PAFAH1B1: variants seen among roughly 807,000 people sequenced by gnomAD.
The protein encoded by PAFAH1B1 is platelet activating factor acetylhydrolase 1b regulatory subunit 1, also known as platelet-activating factor acetylhydrolase IB subunit beta.
In PAFAH1B1, 2 loss-of-function variants were observed where a neutral mutation model predicts 57.5. That is an observed-to-expected ratio of 0.03 (90% CI 0.01 to 0.11). The LOEUF is 0.11. Ranked by LOEUF, PAFAH1B1 falls within the 10% of genes least tolerant of loss-of-function variation. The pLI is 1.00. For synonymous variants in PAFAH1B1, 152 were observed against 169.6 expected (o/e 0.90, Z 0.81); for missense variants, 257 against 512.0 (o/e 0.50, Z 4.81).
chr17:2,677,160 A>G (rs2069283236), intron 9 of PAFAH1B1, among the ~76,000 whole-genome samples: 1 of 152,172 alleles, frequency 6.6e-6, no homozygotes. Flanking sequence ...CTCAAAAAAA[A>G]TAAAATAAAA....
chr17:2,659,382 C>G lies in PAFAH1B1; in HGVS notation c.33-5990C>G, dbSNP rs530858003. 1,456 of 252,048 alleles carry G rather than the reference C, an allele frequency of 5.8e-3. 43 individuals are homozygous for G. The highest frequency in any genetic ancestry group is 0.047 in the South Asian group (1,429 of 30,448). 15.6% of individuals were successfully genotyped at this position (252,048 alleles called of 1,614,324 possible). On this transcript the variant is annotated intron_variant, in intron 2 of 10. Coordinates refer to ENST00000397195, the MANE Select transcript of PAFAH1B1 (RefSeq NM_000430.4). ...TGAAACCCCGTCTCTGCTAAAAATG[C>G]AAAAATTAGCTGGGCATGGTGGCAC... is the stretch of plus-strand genomic sequence containing the variant.
At chr17:2,624,441 G>A (rs1194612684) in intron 1 of PAFAH1B1, among the ~76,000 whole-genome samples, 3 of 152,164 alleles carry the variant, frequency 2.0e-5, no homozygotes, top group African/African-American at 7.2e-5. Context: ...ACAAGAAAAG[G>A]TTTAATTGGA....
At chr17:2,643,797 C>G (rs8064409) in intron 2 of PAFAH1B1, among the ~76,000 whole-genome samples, 43,433 of 151,916 alleles carry the variant, frequency 0.29, 6,377 homozygotes, top group Middle Eastern at 0.36. Context: ...CTGACCTCAA[C>G]AGATCACCTG....
At chr17:2,668,334 A>G (rs1406567395) in intron 5 of PAFAH1B1, among the ~76,000 whole-genome samples, 1 of 151,958 alleles carries the variant, frequency 6.6e-6, no homozygotes, top group Non-Finnish European at 1.5e-5. Context: ...AAAGGTAGTT[A>G]CAACTAACCA....
At chr17:2,658,604 G>A (rs1399919048) in intron 2 of PAFAH1B1, among the ~76,000 whole-genome samples, 1 of 152,106 alleles carries the variant, frequency 6.6e-6, no homozygotes, top group Admixed American at 6.6e-5. Flanking sequence ...AATCGAGCAG[G>A]CTAGTATACT....
At chr17:2,618,949 C>G (rs1025456345) in intron 1 of PAFAH1B1, among the ~76,000 whole-genome samples, 11 of 111,710 alleles carry the variant, frequency 9.8e-5, no homozygotes, top group Non-Finnish European at 1.8e-4. Flanking sequence ...AGTGAGACTC[C>G]GTCTCAAAAA....
At chr17:2,681,655 G>A in intron 10 of PAFAH1B1, 74 bp from the exon 11 acceptor site, 1 of 1,141,602 alleles carries the variant, frequency 8.8e-7, no homozygotes, top group South Asian at 1.3e-5. Flanking sequence ...GTATTTTGTA[G>A]AGAGGGGGTC....
At chr17:2,600,565 T>C (rs1293771002) in intron 1 of PAFAH1B1, among the ~76,000 whole-genome samples, 1 of 102,888 alleles carries the variant, frequency 9.7e-6, no homozygotes, top group East Asian at 2.5e-4. Flanking sequence ...AGTGAAACTA[T>C]CTCAAAAAAA....
Position 2,684,738 on chromosome 17 carries a change from C to T in PAFAH1B1, c.*2936C>T, listed in dbSNP as rs2069447597. The T allele has an allele frequency of 6.6e-6, 1 of 152,608 alleles. No individual in the cohort carries two copies. The highest frequency in any genetic ancestry group is 1.5e-5 in the Non-Finnish European group (1 of 68,046). 9.5% of individuals were successfully genotyped at this position (152,608 alleles called of 1,614,324 possible). A position where few individuals can be genotyped will look rare whatever the true frequency, so the allele number is the denominator to read the frequency against. The stretch of plus-strand genomic sequence containing the variant: ...GGTGTGACCAATGGTGTGCCCAGAG[C>T]ACTACTCTCAAAATCACTAGTGTTA... On this transcript the variant is annotated 3_prime_UTR_variant, in exon 11 of 11. Transcript: ENST00000397195.
intron 1 of PAFAH1B1, among the ~76,000 whole-genome samples, chr17:2,636,824 T>G (rs1165890940): frequency 2.0e-5 from 3 of 152,104 alleles, no homozygotes; most frequent in African/African-American, 7.2e-5. Flanking sequence ...CTTGAACTCT[T>G]GGGTAGCAAG....
intron 2 of PAFAH1B1, among the ~76,000 whole-genome samples, chr17:2,652,566 T>C (rs1008248284): frequency 1.0e-4 from 14 of 134,082 alleles, no homozygotes; most frequent in African/African-American, 4.1e-4. Context: ...TGTGAATCTG[T>C]TTGAACATCA....
chr17:2,607,923 A>G (rs2068224992), intron 1 of PAFAH1B1, among the ~76,000 whole-genome samples: 1 of 152,142 alleles, frequency 6.6e-6, no homozygotes, highest in Non-Finnish European at 1.5e-5. Context: ...TATAAACAAT[A>G]TATAGTAGTG....
intron 1 of PAFAH1B1, among the ~76,000 whole-genome samples, chr17:2,624,259 G>A (rs953089809): frequency 6.6e-6 from 1 of 152,034 alleles, no homozygotes; most frequent in Admixed American, 6.6e-5. Flanking sequence ...ACTTTCCCAG[G>A]TTTTCCTGTC....
intron 1 of PAFAH1B1, among the ~76,000 whole-genome samples, chr17:2,634,010 CTTGT>C (rs2068590264): frequency 7.5e-6 from 1 of 133,038 alleles, no homozygotes; most frequent in African/African-American, 2.8e-5. Flanking sequence ...TCAGAACTAA[CTTGT>C]TTGTTACAGT....
chr17:2,672,602 C>T, intron 6 of PAFAH1B1, 53 bp from the exon 7 acceptor site: 1 of 1,206,748 alleles, frequency 8.3e-7, no homozygotes, highest in Non-Finnish European at 1.2e-6. Flanking sequence ...ATTGATGTTT[C>T]ATTGCTCTTG....
chr17:2,670,989 G>C (rs540017064), intron 6 of PAFAH1B1, among the ~76,000 whole-genome samples: 1 of 152,174 alleles, frequency 6.6e-6, no homozygotes, highest in African/African-American at 2.4e-5. Context: ...CTGCCACATA[G>C]GAGATGCTCA....
In PAFAH1B1 at chr17:2,674,081, A is replaced by T. The variant is rs2228614; in HGVS notation, c.693A>T (p.Thr231=). 2.5e-3 allele frequency: 3,956 copies of T among 1,612,858 alleles called. 87 individuals are homozygous for T. The African/African-American group carries it at 0.047, about 19-fold the overall frequency. ...ACAGCTACTGTGTGAAGACATTCACAGGACACAGAGAATGGGTACGTATGG... is the reference window on the plus strand; with the variant it reads ...ACAGCTACTGTGTGAAGACATTCACTGGACACAGAGAATGGGTACGTATGG... ...VQTGYCVKTF[T]GHREWVRMVR... Residue 231 remains threonine (T), a synonymous_variant, in exon 8 of 11, where the codon ACA becomes ACT. Coordinates refer to ENST00000397195, the MANE Select transcript of PAFAH1B1 (RefSeq NM_000430.4).
chr17:2,601,994 TATGA>T (rs1305727264), intron 1 of PAFAH1B1, among the ~76,000 whole-genome samples: 3 of 152,232 alleles, frequency 2.0e-5, no homozygotes, highest in Admixed American at 1.3e-4. Flanking sequence ...GTTTATCATA[TATGA>T]ATGAACAGTG....
intron 1 of PAFAH1B1, among the ~76,000 whole-genome samples, chr17:2,626,293 C>T (rs147692544): frequency 2.0e-5 from 3 of 151,804 alleles, no homozygotes; most frequent in East Asian, 1.9e-4. Flanking sequence ...TGGTATTTTG[C>T]GATTATGTGT....
Sources: gnomAD v4.1 joint callset for allele counts (sites outside exome capture counted in the v4.1 genomes callset) on GRCh38, gnomAD v4.1.1 for gene constraint, MANE v1.5 for transcripts, NCBI Gene and HGNC (gene_info 2026-07-23, HGNC 2026-07-21) for gene names.